Variants in ADAMTS9 observed in about 807,000 individuals in gnomAD.
ADAMTS9 encodes the protein A disintegrin and metalloproteinase with thrombospondin motifs 9.
A neutral mutation model predicts 257.1 loss-of-function variants in ADAMTS9; 107 were observed. The observed-to-expected ratio is 0.42, with a 90% CI of 0.36 to 0.49. ADAMTS9 has a LOEUF of 0.49. Among genes scored for constraint, ADAMTS9 ranks in the 20% least tolerant of loss-of-function variants. ADAMTS9 has a pLI of 0.03. For missense variants in ADAMTS9, 2,353 were observed against 2,469.1 expected, an observed-to-expected ratio of 0.95 and a Z score of 1.00; for synonymous variants, 982 against 880.9, an observed-to-expected ratio of 1.11 and a Z score of -2.03.
At chr3:64,682,486 C>T (rs1701782800) in intron 2 of ADAMTS9, among the ~76,000 whole-genome samples, 1 of 152,124 alleles carries the variant, frequency 6.6e-6, no homozygotes, top group Admixed American at 6.6e-5. Context: ...AAGATTGAAC[C>T]ACCCAAACTA....
In ADAMTS9 at chr3:64,607,055, A is replaced by T. The variant is rs1453050799; in HGVS notation, c.3379T>A (p.Tyr1127Asn). 1.4e-5 allele frequency: 22 copies of T among 1,613,826 alleles called. No homozygotes were observed. The highest frequency in any genetic ancestry group is 1.9e-5 in the Non-Finnish European group (22 of 1,179,792). Residue 1127 changes from tyrosine (Y) to asparagine (N), a missense_variant, in exon 23 of 40, where the codon TAC (tyrosine) becomes AAC (asparagine). Tyr to Asn is a moderately radical substitution (Grantham distance 143, BLOSUM62 -2). This residue lies in a region of ADAMTS9 where 1,402 missense variants were observed against 1,441.4 expected (regional missense o/e 0.97). Coordinates refer to ENST00000498707, the MANE Select transcript of ADAMTS9 (RefSeq NM_182920.2). The stretch of plus-strand genomic sequence containing the variant: ...ATGCATTTCACTGCTCTTAGCTGGT[A>T]TCCCTGTCCACAAGTGACACTGCAC... ...GQCSVTCGQG[Y>N]QLRAVKCIIG... is the part of the protein sequence containing the mutation.
At chr3:64,577,362 G>GAA (rs1559773439) in intron 28 of ADAMTS9, among the ~76,000 whole-genome samples, 1 of 152,076 alleles carries the variant, frequency 6.6e-6, no homozygotes, top group East Asian at 1.9e-4. Context: ...AAGGTTTACC[G>GAA]GGTGATTATT....
At chr3:64,576,152 C>G (rs2083840922) in intron 28 of ADAMTS9, among the ~76,000 whole-genome samples, 1 of 152,190 alleles carries the variant, frequency 6.6e-6, no homozygotes, top group African/African-American at 2.4e-5. Context: ...CTCTTCTCAC[C>G]AGAGTAAGGA....
At chr3:64,641,774 C>A (rs1700647921) in intron 12 of ADAMTS9, 74 bp downstream of exon 12, 11 of 1,575,460 alleles carry the variant, frequency 7.0e-6, no homozygotes, top group South Asian at 2.3e-5. Context: ...ACTCTTCACC[C>A]ACCAAATTAT....
intron 9 of ADAMTS9, 60 bp downstream of exon 9, chr3:64,650,957 A>G (rs1018007150): frequency 2.0e-6 from 3 of 1,483,086 alleles, no homozygotes; most frequent in Admixed American, 2.5e-5. Context: ...TCCCACAATT[A>G]GTTCACTACA....
At chr3:64,649,509 A>G (rs1289274364) in intron 10 of ADAMTS9, 128 bp downstream of exon 10, 2 of 1,063,832 alleles carry the variant, frequency 1.9e-6, no homozygotes, top group Non-Finnish European at 2.6e-6. Context: ...TATGATCACT[A>G]ATATGCAATT....
In ADAMTS9 at chr3:64,542,241, A is replaced by ACACG. The variant is rs1553701062; in HGVS notation, c.5065-272_5065-271insCGTG. ...ATTTTACACACACACACACACACACATAATTTTTTCATTTAAGCCTCACAG... is the reference window on the plus strand; with the variant it reads ...ATTTTACACACACACACACACACACACACGTAATTTTTTCATTTAAGCCTCACAG... On this transcript the variant is annotated intron_variant, in intron 32 of 39. Transcript: ENST00000498707. Among the ~76,000 whole-genome samples, 1,246 of 151,780 alleles carry ACACG rather than the reference A, an allele frequency of 8.2e-3. 8 individuals are homozygous for ACACG. The highest frequency in any genetic ancestry group is 0.023 in the African/African-American group (944 of 41,446).
At chr3:64,674,038 C>CT (rs1452531978) in intron 3 of ADAMTS9, among the ~76,000 whole-genome samples, 3 of 151,650 alleles carry the variant, frequency 2.0e-5, no homozygotes, top group Non-Finnish European at 2.9e-5. Flanking sequence ...TTAGAAGTTT[C>CT]TTTTTTACTA....
chr3:64,686,574 T>C lies in ADAMTS9; in HGVS notation c.510A>G (p.Ser170=). The change falls in exon 2 of 40, where the codon TCA becomes TCG. Residue 170 remains serine (S), a synonymous_variant. Coordinates refer to ENST00000498707, the MANE Select transcript of ADAMTS9 (RefSeq NM_182920.2). The surrounding 1 kb of genome is among the most constrained non-coding windows in gnomAD (Gnocchi z 4.6). The stretch of plus-strand genomic sequence containing the variant: ...GTGGCGCGCGCCCACTTACCATTCC[T>C]GAGCAGAGGCTGATGACGGCCGTGT... ...SEHTAVISLC[S]GMLGTFRSHD... is the part of the protein sequence containing the mutation. 6.2e-7 allele frequency: 1 copy of C among 1,608,500 alleles called. No individual in the cohort carries two copies. The highest frequency in any genetic ancestry group is 8.5e-7 in the Non-Finnish European group (1 of 1,177,420).
intron 28 of ADAMTS9, chr3:64,583,728 G>A (rs1050515968): frequency 1.3e-5 from 2 of 152,170 alleles, no homozygotes; most frequent in Non-Finnish European, 2.9e-5. Flanking sequence ...CCTTCAGCAA[G>A]TTCTCAAAAC....
chr3:64,637,849 G>A (rs1326220945), intron 12 of ADAMTS9, among the ~76,000 whole-genome samples: 1 of 152,120 alleles, frequency 6.6e-6, no homozygotes, highest in Non-Finnish European at 1.5e-5. Context: ...TTTCCAAATG[G>A]GGCAGTCTAT....
chr3:64,533,442 C>T (rs2083008144), intron 37 of ADAMTS9, among the ~76,000 whole-genome samples, 172 bp from the exon 38 acceptor site: 1 of 152,204 alleles, frequency 6.6e-6, no homozygotes, highest in Admixed American at 6.5e-5. Flanking sequence ...GCCAGCCATT[C>T]TTCATGCATC....
chr3:64,518,934 C>T (rs1190843963), intron 39 of ADAMTS9, among the ~76,000 whole-genome samples: 1 of 151,934 alleles, frequency 6.6e-6, no homozygotes, highest in African/African-American at 2.4e-5. Flanking sequence ...TGTGCCAACA[C>T]ACCCAGCTAA....
intron 14 of ADAMTS9, 70 bp downstream of exon 14, chr3:64,633,402 A>C (rs546836322): frequency 1.9e-6 from 3 of 1,592,950 alleles, no homozygotes; most frequent in African/African-American, 2.7e-5. Context: ...TTGCTATTCT[A>C]TCTAGGAAGC....
chr3:64,652,863 T>C lies in ADAMTS9; in HGVS notation c.1316+1490A>G, dbSNP rs566261122. ...CCTCCAAGACCCAAAACTTTTTGAG[T>C]GCTAACCTGACACCAGTGGAAAATT... On this transcript the variant is annotated intron_variant, in intron 8 of 39. Coordinates refer to ENST00000498707, the MANE Select transcript of ADAMTS9 (RefSeq NM_182920.2). 4.6e-5 allele frequency among the ~76,000 whole-genome samples: 7 copies of C among 152,272 alleles called. 1 individual carries two copies. The highest frequency in any genetic ancestry group is 1.7e-4 in the African/African-American group (7 of 41,564).
intron 38 of ADAMTS9, 25 bp from the exon 39 acceptor site, chr3:64,522,285 C>A: frequency 6.2e-7 from 1 of 1,608,440 alleles, no homozygotes; most frequent in Non-Finnish European, 8.5e-7. Context: ...ATCATGTTAG[C>A]CTGCCTGCTT....
At chr3:64,543,966 C>A (rs1400753031) in intron 32 of ADAMTS9, among the ~76,000 whole-genome samples, 2 of 152,212 alleles carry the variant, frequency 1.3e-5, no homozygotes, top group African/African-American at 4.8e-5. Flanking sequence ...CATTCTTATA[C>A]ACCAATAACA....
chr3:64,517,684 T>A (rs113217364), intron 39 of ADAMTS9, among the ~76,000 whole-genome samples: 2,250 of 152,022 alleles, frequency 0.015, 45 homozygotes, highest in African/African-American at 0.052. Flanking sequence ...TCTTCATATA[T>A]TGGTATTTTG....
chr3:64,579,765 T>C (rs1386770721), intron 28 of ADAMTS9, among the ~76,000 whole-genome samples: 2 of 152,232 alleles, frequency 1.3e-5, no homozygotes, highest in African/African-American at 4.8e-5. Flanking sequence ...CTCAGTTTAT[T>C]GTTAGAACCA....
Sources: allele counts gnomAD v4.1 joint callset (sites outside exome capture counted in the v4.1 genomes callset), GRCh38; gene constraint gnomAD v4.1.1; regional missense constraint gnomAD v4.1.1; non-coding constraint Gnocchi (gnomAD v3.1); transcripts MANE v1.5; gene names NCBI Gene and HGNC (gene_info 2026-07-23, HGNC 2026-07-21).